Variants in BBS9 observed in about 807,000 individuals in gnomAD.
BBS9 encodes the protein protein PTHB1.
In BBS9, 89 loss-of-function variants were observed where a neutral mutation model predicts 117.7. The ratio of observed to expected loss-of-function variants is 0.76; its 90% CI spans 0.64 to 0.90. BBS9 has a LOEUF of 0.90. BBS9 is among the 40% of genes least tolerant of loss of function. The pLI is 0.00. For synonymous variants in BBS9, 379 were observed against 370.9 expected, an observed-to-expected ratio of 1.02 and a Z score of -0.25; for missense variants, 982 against 1,042.2, an observed-to-expected ratio of 0.94 and a Z score of 0.80.
In BBS9 at chr7:33,577,054, G is replaced by T. The variant is rs527854988; in HGVS notation, c.2522-27811G>T. On this transcript the variant is annotated intron_variant, in intron 21 of 22. Coordinates refer to ENST00000242067, the MANE Select transcript of BBS9 (RefSeq NM_198428.3). Reference sequence around the variant, plus strand: ...CAACAAAAGCCAAAATAGACAAATGGGATCTAATTAAACTGAAGAGCTTCT... The same window carrying T: ...CAACAAAAGCCAAAATAGACAAATGTGATCTAATTAAACTGAAGAGCTTCT... 2.0e-5 allele frequency among the ~76,000 whole-genome samples: 3 copies of T among 152,184 alleles called. No individual in the cohort carries two copies. The South Asian group carries it at 6.2e-4, about 32-fold the overall frequency.
At chr7:33,516,487 CAAAAAA>C (rs61006845) in intron 20 of BBS9, among the ~76,000 whole-genome samples, 2,315 of 51,594 alleles carry the variant, frequency 0.045, 38 homozygotes, top group East Asian at 0.13. Context: ...ATTTCATCTC[CAAAAAA>C]AAAAAAAAAA....
At chr7:33,426,176 A>G (rs752427365) in intron 19 of BBS9, among the ~76,000 whole-genome samples, 1 of 152,192 alleles carries the variant, frequency 6.6e-6, no homozygotes, top group African/African-American at 2.4e-5. Flanking sequence ...CAGCTTACTT[A>G]TAATAGGAAT....
At chr7:33,317,885 A>G (rs2128571080) in intron 9 of BBS9, among the ~76,000 whole-genome samples, 1 of 152,282 alleles carries the variant, frequency 6.6e-6, no homozygotes, top group African/African-American at 2.4e-5. Context: ...AACCCCGTCT[A>G]ATAAAAACAC....
At chr7:33,548,740 A>G (rs1036662659) in intron 21 of BBS9, among the ~76,000 whole-genome samples, 2 of 151,590 alleles carry the variant, frequency 1.3e-5, no homozygotes, top group African/African-American at 4.9e-5. Context: ...GACCTCTTCA[A>G]GGAGAACTAC....
At chr7:33,459,938 C>A (rs1839210550) in intron 19 of BBS9, among the ~76,000 whole-genome samples, 1 of 152,046 alleles carries the variant, frequency 6.6e-6, no homozygotes, top group South Asian at 2.1e-4. Context: ...TATTGAAATT[C>A]AAAATGAATC....
intron 19 of BBS9, among the ~76,000 whole-genome samples, chr7:33,407,613 G>T (rs925359712): frequency 7.9e-5 from 12 of 152,142 alleles, no homozygotes; most frequent in South Asian, 4.2e-4. Context: ...TGGGTTTTTC[G>T]TGTGGATGTC....
chr7:33,548,102 G>A (rs1585211383), intron 21 of BBS9, among the ~76,000 whole-genome samples: 1 of 152,174 alleles, frequency 6.6e-6, no homozygotes, highest in East Asian at 1.9e-4. Flanking sequence ...CAGCTTCTTG[G>A]AAGTAGGGTT....
intron 4 of BBS9, among the ~76,000 whole-genome samples, chr7:33,170,341 A>C (rs1192783391): frequency 1.3e-5 from 2 of 148,372 alleles, no homozygotes; most frequent in Non-Finnish European, 3.0e-5. Context: ...AACAGAGCCA[A>C]AGACAAAAAC....
chr7:33,550,451 T>A (rs187195661), intron 21 of BBS9, among the ~76,000 whole-genome samples: 106 of 152,288 alleles, frequency 7.0e-4, no homozygotes, highest in Non-Finnish European at 1.4e-3. Context: ...TATCCACAAG[T>A]AAATGGGGCA....
In BBS9 at chr7:33,526,745, G is replaced by A. The variant is rs1433178013; in HGVS notation, c.2299-7209G>A. On this transcript the variant is annotated intron_variant, in intron 20 of 22. Coordinates refer to ENST00000242067, the MANE Select transcript of BBS9 (RefSeq NM_198428.3). Reference sequence around the variant, plus strand: ...GATCGTCTGAAGCCTTCTTCTCTCAGCTCGTCAAAGTCATTCTCCATCCAG... The same window carrying A: ...GATCGTCTGAAGCCTTCTTCTCTCAACTCGTCAAAGTCATTCTCCATCCAG... Among the ~76,000 whole-genome samples, 7 of 151,198 alleles carry A rather than the reference G, an allele frequency of 4.6e-5. No homozygotes were observed. In the South Asian group the frequency reaches 8.5e-4, roughly 18 times the overall value.
At chr7:33,570,486 A>G (rs1174420183) in intron 21 of BBS9, among the ~76,000 whole-genome samples, 1 of 152,232 alleles carries the variant, frequency 6.6e-6, no homozygotes, top group African/African-American at 2.4e-5. Flanking sequence ...TTGATAAATG[A>G]AGAAGAAATG....
At chr7:33,362,046 C>A (rs1419999223) in intron 16 of BBS9, among the ~76,000 whole-genome samples, 1 of 152,104 alleles carries the variant, frequency 6.6e-6, no homozygotes, top group African/African-American at 2.4e-5. Flanking sequence ...TTAGTAATTC[C>A]TTATCCTGCA....
At chr7:33,412,083 C>G (rs1250547662) in intron 19 of BBS9, among the ~76,000 whole-genome samples, 1 of 152,042 alleles carries the variant, frequency 6.6e-6, no homozygotes, top group African/African-American at 2.4e-5. Context: ...GTTGAAATCA[C>G]TAGTGACTAA....
At chr7:33,297,968 A>T (rs1245189345) in intron 9 of BBS9, among the ~76,000 whole-genome samples, 4 of 152,090 alleles carry the variant, frequency 2.6e-5, no homozygotes, top group Non-Finnish European at 5.9e-5. Context: ...TAGAAATTTT[A>T]TTACAGCCTT....
intron 21 of BBS9, among the ~76,000 whole-genome samples, chr7:33,571,870 GCAATGA>G (rs1857858881): frequency 6.6e-6 from 1 of 151,918 alleles, no homozygotes; most frequent in Non-Finnish European, 1.5e-5. Flanking sequence ...GATACCATTG[GCAATGA>G]TCAAATTAGG....
At chr7:33,600,916 G>T (rs1187316238) in intron 21 of BBS9, among the ~76,000 whole-genome samples, 1 of 152,208 alleles carries the variant, frequency 6.6e-6, no homozygotes, top group East Asian at 1.9e-4. Flanking sequence ...CCCTGGCTAT[G>T]GAAAACCAAA....
intron 21 of BBS9, among the ~76,000 whole-genome samples, chr7:33,634,080 T>G (rs981863465): frequency 4.6e-5 from 7 of 152,246 alleles, no homozygotes; most frequent in African/African-American, 1.7e-4. Context: ...CTCAGGAAGC[T>G]GCACAGAACA....
In BBS9 at chr7:33,153,964, T is replaced by A. The variant is rs144700311; in HGVS notation, c.263+1113T>A. Reference sequence around the variant, plus strand: ...GCTAAAAAGTGTTTTTACCTTACCATTAAAAAAGTGAAACACAGCCAATAA... The same window carrying A: ...GCTAAAAAGTGTTTTTACCTTACCAATAAAAAAGTGAAACACAGCCAATAA... On this transcript the variant is annotated intron_variant, in intron 3 of 22. Coordinates refer to ENST00000242067, the MANE Select transcript of BBS9 (RefSeq NM_198428.3). Among the ~76,000 whole-genome samples the A allele has an allele frequency of 2.8e-3, 433 of 152,298 alleles. 1 individual carries two copies. The highest frequency in any genetic ancestry group is 0.01 in the African/African-American group (422 of 41,570).
At chr7:33,133,033 A>G (rs928217375) in intron 1 of BBS9, among the ~76,000 whole-genome samples, 2 of 152,088 alleles carry the variant, frequency 1.3e-5, no homozygotes, top group Admixed American at 6.5e-5. Context: ...CAAGTGATCA[A>G]TCCGCCTTGG....
Sources: allele counts gnomAD v4.1 joint callset (sites outside exome capture counted in the v4.1 genomes callset), GRCh38; gene constraint gnomAD v4.1.1; transcripts MANE v1.5; gene names NCBI Gene and HGNC (gene_info 2026-07-23, HGNC 2026-07-21).